The following HPSE variants were observed in gnomAD, a reference collection of about 807,000 sequenced individuals.
HPSE encodes endo-glucoronidase.
In HPSE, 48 loss-of-function variants were observed where a neutral mutation model predicts 65.1. That is an observed-to-expected ratio of 0.74 (90% CI 0.58 to 0.94). HPSE has a LOEUF of 0.94. Ranked by LOEUF, HPSE falls within the 40% of genes least tolerant of loss-of-function variation. HPSE has a pLI of 0.00. For missense variants in HPSE, 644 were observed against 637.5 expected (o/e 1.01, Z -0.11); for synonymous variants, 243 against 260.0 (o/e 0.93, Z 0.63).
intron 1 of HPSE, among the ~76,000 whole-genome samples, chr4:83,328,533 A>C (rs925353921): frequency 2.6e-5 from 4 of 152,196 alleles, no homozygotes; most frequent in Non-Finnish European, 4.4e-5. Context: ...TTTCGGGGTA[A>C]CCTCATTCAA....
At chr4:83,309,377 T>C (rs747045851) in intron 7 of HPSE, 25 bp downstream of exon 7, 1 of 1,191,604 alleles carries the variant, frequency 8.4e-7, no homozygotes, top group Non-Finnish European at 1.2e-6. Context: ...TGGTTTTACA[T>C]TAAAAAGTTT....
At chr4:83,305,784 C>T (rs1736126337) in intron 9 of HPSE, among the ~76,000 whole-genome samples, 1 of 152,146 alleles carries the variant, frequency 6.6e-6, no homozygotes, top group Admixed American at 6.5e-5. Flanking sequence ...TAAGCAAACA[C>T]ATGGTACTGG....
chr4:83,310,018 G>A lies in HPSE; in HGVS notation c.890+13C>T. On this transcript the variant is annotated intron_variant, in intron 6 of 11. Coordinates refer to ENST00000311412, the MANE Select transcript of HPSE (RefSeq NM_001098540.3). ...CTTACTTTCCTAGTATTAAGAATAG[G>A]AGACATACTTACTGATGCCATGTAA... 6.3e-7 allele frequency: 1 copy of A among 1,592,026 alleles called. No homozygotes were observed. The highest frequency in any genetic ancestry group is 8.6e-7 in the Non-Finnish European group (1 of 1,161,920).
chr4:83,310,938 A>T (rs761151797), intron 4 of HPSE, 48 bp from the exon 5 acceptor site: 3 of 1,449,884 alleles, frequency 2.1e-6, no homozygotes, highest in Admixed American at 1.9e-5. Context: ...TGTTGTATTT[A>T]AAAGCAAACA....
At chr4:83,313,711 A>T (rs1736513682) in intron 3 of HPSE, among the ~76,000 whole-genome samples, 1 of 152,186 alleles carries the variant, frequency 6.6e-6, no homozygotes, top group South Asian at 2.1e-4. Context: ...ATTTAAAACA[A>T]TTTTTAAAAA....
rs1189076160 is a variant in HPSE, at chr4:83,295,398, A to T, written c.1578T>A (p.Ala526=). Reference sequence around the variant, plus strand: ...TTATCACAAAAAAACTATATGAGAAAGCTGGCAAGCCCAGTGAACTTCCTG... The same window carrying T: ...TTATCACAAAAAAACTATATGAGAATGCTGGCAAGCCCAGTGAACTTCCTG... The part of the protein sequence containing the change: ...LRPGSSLGLP[A]FSYSFFVIRN... Residue 526 remains alanine, a synonymous_variant, in exon 12 of 12, where the codon GCT becomes GCA. Transcript: ENST00000311412. 1.2e-6 allele frequency: 2 copies of T among 1,612,950 alleles called. No individual in the cohort carries two copies. The highest frequency in any genetic ancestry group is 1.7e-6 in the Non-Finnish European group (2 of 1,179,390).
chr4:83,308,391 G>A (rs888994951), intron 8 of HPSE, among the ~76,000 whole-genome samples: 3 of 151,706 alleles, frequency 2.0e-5, no homozygotes, highest in Admixed American at 2.0e-4. Context: ...GGGTGACAGA[G>A]GGGAAAAAAA....
chr4:83,313,034 A>T (rs1323121336), intron 4 of HPSE, 80 bp downstream of exon 4: 5 of 1,036,974 alleles, frequency 4.8e-6, no homozygotes, highest in Non-Finnish European at 6.9e-6. Flanking sequence ...AAAAAAAAAA[A>T]AAAAAAAGAA....
At chr4:83,331,258 G>A (rs891263711) in intron 1 of HPSE, among the ~76,000 whole-genome samples, 2 of 151,816 alleles carry the variant, frequency 1.3e-5, no homozygotes, top group Non-Finnish European at 2.9e-5. Context: ...AATAATACAC[G>A]CCAGATTATA....
chr4:83,309,966 G>T, intron 6 of HPSE, 65 bp downstream of exon 6: 1 of 1,178,472 alleles, frequency 8.5e-7, no homozygotes, highest in Non-Finnish European at 1.2e-6. Flanking sequence ...CTAACTTTTT[G>T]AATACTAGGT....
chr4:83,306,714 C>A (rs1736159466), intron 8 of HPSE, among the ~76,000 whole-genome samples: 1 of 152,184 alleles, frequency 6.6e-6, no homozygotes, highest in South Asian at 2.1e-4. Context: ...TGGTTTGACT[C>A]TGAAACAAAA....
chr4:83,317,178 T>A (rs6535461), intron 3 of HPSE, among the ~76,000 whole-genome samples: 1 of 152,114 alleles, frequency 6.6e-6, no homozygotes, highest in African/African-American at 2.4e-5. Context: ...GGATTACAGG[T>A]GTGAGCCACA....
At chr4:83,324,110 C>CTT (rs1737033442) in intron 1 of HPSE, among the ~76,000 whole-genome samples, 1 of 92,348 alleles carries the variant, frequency 1.1e-5, no homozygotes, top group Non-Finnish European at 2.0e-5. Flanking sequence ...ACTTCTTCTT[C>CTT]TTCTTTTTTT....
chr4:83,305,689 T>G (rs1736123986), intron 9 of HPSE, among the ~76,000 whole-genome samples: 2 of 152,200 alleles, frequency 1.3e-5, no homozygotes, highest in South Asian at 4.1e-4. Flanking sequence ...CCAGATACAG[T>G]TGGAGGAAGG....
Position 83,292,974 on chromosome 4 carries a change from T to G in HPSE, c.*2370A>C, listed in dbSNP as rs1577997955. On this transcript the variant is annotated 3_prime_UTR_variant, in exon 12 of 12. Transcript: ENST00000311412. The stretch of plus-strand genomic sequence containing the variant: ...TCTTCACCACTACACAATTCACCCC[T>G]GTAAGCAAAAAGTGTGTACCCCTAA... The G allele has an allele frequency of 6.6e-6, 1 of 152,080 alleles. No individual in the cohort carries two copies. Among genetic ancestry groups the G allele is most frequent in the Non-Finnish European group, 1.5e-5 (1 of 68,000 alleles). 9.4% of individuals were successfully genotyped at this position (152,080 alleles called of 1,614,324 possible). A position where few individuals can be genotyped will look rare whatever the true frequency, so the allele number is the denominator to read the frequency against.
Position 83,334,653 on chromosome 4 carries a change from A to G in HPSE, c.130T>C (p.Phe44Leu). The G allele has an allele frequency of 6.3e-7, 1 of 1,583,650 alleles. No homozygotes were observed. The highest frequency in any genetic ancestry group is 1.3e-5 in the African/African-American group (1 of 74,502). ...QAQDVVDLDFFTQEPLHLVSP... is the reference protein window; with the variant it reads ...QAQDVVDLDFLTQEPLHLVSP... ...ACCAGGTGCAGCGGCTCCTGGGTGA[A>G]GAAGTCCAGGTCCACGACGTCCTGT... The change falls in exon 1 of 12, where the codon TTC becomes CTC. Residue 44 changes from phenylalanine to leucine, a missense_variant. Phe to Leu is a conservative substitution (Grantham distance 22). Coordinates refer to ENST00000311412, the MANE Select transcript of HPSE (RefSeq NM_001098540.3).
intron 3 of HPSE, 92 bp downstream of exon 3, chr4:83,319,252 C>T (rs1736775934): frequency 6.2e-6 from 8 of 1,283,392 alleles, no homozygotes; most frequent in Middle Eastern, 1.9e-4. Context: ...CTTTATACAA[C>T]TTCCGTAGGA....
chr4:83,334,704 C>A lies in HPSE; in HGVS notation c.79G>T (p.Gly27Cys), dbSNP rs751003647. The part of the protein sequence containing the change: ...LLGPLGPLSP[G>C]ALPRPAQAQD... Reference sequence around the variant, plus strand: ...GCTTGCGCAGGTCGGGGCAGGGCGCCAGGGGAGAGGGGACCCAGCGGCCCC... The same window carrying A: ...GCTTGCGCAGGTCGGGGCAGGGCGCAAGGGGAGAGGGGACCCAGCGGCCCC... Residue 27 changes from glycine (G) to cysteine (C), a missense_variant, in exon 1 of 12, where the codon GGC (glycine) becomes TGC (cysteine). By Grantham distance (159) the Gly-to-Cys change is radical. Transcript: ENST00000311412. The A allele has an allele frequency of 6.4e-7, 1 of 1,569,146 alleles. No homozygotes were observed. Among genetic ancestry groups the A allele is most frequent in the South Asian group, 1.2e-5 (1 of 85,382 alleles).
chr4:83,312,034 G>T (rs551741641), intron 4 of HPSE, among the ~76,000 whole-genome samples: 1 of 152,160 alleles, frequency 6.6e-6, no homozygotes, highest in African/African-American at 2.4e-5. Context: ...GTTCTAGACC[G>T]TTTGGGCAGG....
Sources: allele counts gnomAD v4.1 joint callset (sites outside exome capture counted in the v4.1 genomes callset), GRCh38; gene constraint gnomAD v4.1.1; transcripts MANE v1.5; gene names NCBI Gene and HGNC (gene_info 2026-07-23, HGNC 2026-07-21).